KCNAB1: variants seen among roughly 807,000 people sequenced by gnomAD.
The protein encoded by KCNAB1 is potassium voltage-gated channel subfamily A regulatory beta subunit 1.
Under a neutral mutation model 64.6 loss-of-function variants are expected in KCNAB1, and 35 were observed. The observed-to-expected ratio is 0.54, with a 90% CI of 0.41 to 0.72. KCNAB1 has a LOEUF of 0.72. Among genes scored for constraint, KCNAB1 ranks in the 30% least tolerant of loss-of-function variants. The probability of loss-of-function intolerance (pLI) is 0.00; values close to 1 mark genes in which losing one functional copy is unlikely to be tolerated. For synonymous variants in KCNAB1, 177 were observed against 183.8 expected (o/e 0.96, Z 0.30); for missense variants, 401 against 512.9 (o/e 0.78, Z 2.11).
chr3:156,485,448 G>T (rs1253359343), intron 8 of KCNAB1, among the ~76,000 whole-genome samples: 1 of 151,754 alleles, frequency 6.6e-6, no homozygotes, highest in Non-Finnish European at 1.5e-5. Context: ...TCTTCTATAT[G>T]ACCATAACAC....
intron 1 of KCNAB1, among the ~76,000 whole-genome samples, chr3:156,373,289 C>T (rs1000913653): frequency 6.6e-6 from 1 of 152,152 alleles, no homozygotes; most frequent in African/African-American, 2.4e-5. Context: ...AAAAACACCA[C>T]AAAAGGCTTG....
chr3:156,424,068 G>GACA (rs1258239888), intron 2 of KCNAB1, among the ~76,000 whole-genome samples: 1 of 152,168 alleles, frequency 6.6e-6, no homozygotes, highest in Non-Finnish European at 1.5e-5. Context: ...TTGTATCGAA[G>GACA]ACAAGATCAG....
rs951101529 is a variant in KCNAB1, at chr3:156,524,564, A to G, written c.1081+617A>G. 2.6e-5 allele frequency among the ~76,000 whole-genome samples: 4 copies of G among 151,996 alleles called. No individual in the cohort carries two copies. In the East Asian group the frequency reaches 5.8e-4, roughly 22 times the overall value. On this transcript the variant is annotated intron_variant, in intron 12 of 13. Transcript: ENST00000490337. Reference sequence around the variant, plus strand: ...AGATCGAGACCATCCTGGCTAACACAGTGAAACCCCGTCTCTACTAAAAAC... The same window carrying G: ...AGATCGAGACCATCCTGGCTAACACGGTGAAACCCCGTCTCTACTAAAAAC...
At chr3:156,400,874 C>G (rs1214882047) in intron 1 of KCNAB1, among the ~76,000 whole-genome samples, 2 of 152,220 alleles carry the variant, frequency 1.3e-5, no homozygotes, top group Non-Finnish European at 2.9e-5. Flanking sequence ...CATCCTACCC[C>G]CTACTTAGCT....
chr3:156,498,769 T>C (rs1716181806), intron 8 of KCNAB1, among the ~76,000 whole-genome samples: 1 of 152,242 alleles, frequency 6.6e-6, no homozygotes, highest in Non-Finnish European at 1.5e-5. Flanking sequence ...TTTCTTTCCA[T>C]GGGTACCAAA....
Position 156,516,345 on chromosome 3 carries a change from G to T in KCNAB1, c.941G>T (p.Ser314Ile). 6.2e-7 allele frequency: 1 copy of T among 1,612,882 alleles called. No homozygotes were observed. ...SGKYGNGVPE[S>I]SRASLKCYQW... Reference sequence around the variant, plus strand: ...AAATACGGAAACGGGGTGCCTGAAAGTTCCAGGGCTTCACTGAAGGTATTT... The same window carrying T: ...AAATACGGAAACGGGGTGCCTGAAATTTCCAGGGCTTCACTGAAGGTATTT... Residue 314 changes from serine (S) to isoleucine (I), a missense_variant, in exon 11 of 14, where the codon AGT becomes ATT. Transcript: ENST00000490337.
intron 1 of KCNAB1, among the ~76,000 whole-genome samples, chr3:156,277,703 C>T (rs1036710048): frequency 1.8e-4 from 28 of 152,192 alleles, no homozygotes; most frequent in Non-Finnish European, 3.4e-4. Context: ...CTGCAACAAA[C>T]ACAGGACTGC....
chr3:156,433,819 A>G (rs1294629457), intron 2 of KCNAB1, among the ~76,000 whole-genome samples: 2 of 152,192 alleles, frequency 1.3e-5, no homozygotes, highest in Non-Finnish European at 2.9e-5. Context: ...AGTCTGGGCT[A>G]GAGGCTTCCT....
intron 1 of KCNAB1, among the ~76,000 whole-genome samples, chr3:156,264,244 T>C (rs772012628): frequency 5.3e-5 from 8 of 152,082 alleles, no homozygotes; most frequent in Non-Finnish European, 8.8e-5. Flanking sequence ...GTTTGCATGG[T>C]CTATCTTTTT....
At chr3:156,140,800 G>A (rs1348764378) in intron 1 of KCNAB1, among the ~76,000 whole-genome samples, 1 of 152,218 alleles carries the variant, frequency 6.6e-6, no homozygotes, top group Non-Finnish European at 1.5e-5. Flanking sequence ...AGGGCTTTAG[G>A]TTTGAATTGC....
At position 156,179,713 on chromosome 3, in the gene KCNAB1, A is replaced by C. The variant is rs76897331; in HGVS notation, c.275+58827A>C. Among the ~76,000 whole-genome samples the C allele has an allele frequency of 4.1e-3, 617 of 152,296 alleles. 7 individuals carry two copies. The highest frequency in any genetic ancestry group is 0.017 in the South Asian group (83 of 4,822). The stretch of plus-strand genomic sequence containing the variant: ...AATGGACCGAAAGTGATGAGACTAC[A>C]TATTGCTCTGTCAATGCTGTTGCTC... On this transcript the variant is annotated intron_variant, in intron 1 of 13. Transcript: ENST00000490337.
chr3:156,364,838 C>T (rs1484904958), intron 1 of KCNAB1, among the ~76,000 whole-genome samples: 1 of 152,096 alleles, frequency 6.6e-6, no homozygotes, highest in East Asian at 1.9e-4. Context: ...TAAGCACAGA[C>T]ACTTGAATGG....
At chr3:156,165,085 C>T (rs969958180) in intron 1 of KCNAB1, among the ~76,000 whole-genome samples, 9 of 151,562 alleles carry the variant, frequency 5.9e-5, no homozygotes, top group South Asian at 2.1e-4. Flanking sequence ...GAGACCATCC[C>T]GGCTAAAACG....
chr3:156,321,026 ATAT>A (rs1035688205), intron 1 of KCNAB1, among the ~76,000 whole-genome samples: 1 of 152,098 alleles, frequency 6.6e-6, no homozygotes, highest in African/African-American at 2.4e-5. Flanking sequence ...CAAAACTCCA[ATAT>A]TATTTGCTAA....
At chr3:156,299,910 G>C (rs961758503) in intron 1 of KCNAB1, among the ~76,000 whole-genome samples, 2 of 152,106 alleles carry the variant, frequency 1.3e-5, no homozygotes, top group Admixed American at 6.5e-5. Flanking sequence ...TTCTTTTTGA[G>C]AATCAGAATC....
chr3:156,155,074 T>C (rs906316768), intron 1 of KCNAB1, among the ~76,000 whole-genome samples: 11 of 152,226 alleles, frequency 7.2e-5, no homozygotes, highest in African/African-American at 2.7e-4. Flanking sequence ...AACAGGTTCA[T>C]GCAGCCAAAT....
rs201582640 is a variant in KCNAB1, at chr3:156,171,187, G to A, written c.275+50301G>A. On this transcript the variant is annotated intron_variant, in intron 1 of 13. Coordinates refer to ENST00000490337, the MANE Select transcript of KCNAB1 (RefSeq NM_172160.3). Reference sequence around the variant, plus strand: ...ACCGGCTTATAGTTAGAAACTTCACGCACACATACACACACACACACACAC... The same window carrying A: ...ACCGGCTTATAGTTAGAAACTTCACACACACATACACACACACACACACAC... Among the ~76,000 whole-genome samples, 102 of 142,808 alleles carry A rather than the reference G, an allele frequency of 7.1e-4. 1 individual carries two copies. The highest frequency in any genetic ancestry group is 8.5e-4 in the African/African-American group (31 of 36,348). 93.7% of individuals were successfully genotyped at this position (142,808 alleles called of 152,430 possible).
intron 1 of KCNAB1, among the ~76,000 whole-genome samples, chr3:156,231,763 T>C (rs1170609827): frequency 1.3e-5 from 2 of 152,062 alleles, no homozygotes; most frequent in African/African-American, 2.4e-5. Flanking sequence ...ACTCAACCAA[T>C]TGCCAACCAG....
chr3:156,353,467 A>G (rs528262298), intron 1 of KCNAB1, among the ~76,000 whole-genome samples: 42 of 152,354 alleles, frequency 2.8e-4, no homozygotes, highest in African/African-American at 9.9e-4. Context: ...CTGTGTAACA[A>G]ATCACTTCAA....
Sources: allele counts gnomAD v4.1 joint callset (sites outside exome capture counted in the v4.1 genomes callset), GRCh38; gene constraint gnomAD v4.1.1; transcripts MANE v1.5; gene names NCBI Gene and HGNC (gene_info 2026-07-23, HGNC 2026-07-21).